RPS6KC1: variants seen among roughly 807,000 people sequenced by gnomAD.
RPS6KC1 encodes inactive ribosomal protein S6 kinase delta-1.
In RPS6KC1, 54 loss-of-function variants were observed where a neutral mutation model predicts 103.8. That is an observed-to-expected ratio of 0.52 (90% CI 0.42 to 0.65). RPS6KC1 has a LOEUF of 0.65. Ranked by LOEUF, RPS6KC1 falls within the 30% of genes least tolerant of loss-of-function variation. RPS6KC1 has a pLI of 0.00. For missense variants in RPS6KC1, 1,151 were observed against 1,253.8 expected (o/e 0.92, Z 1.24); for synonymous variants, 439 against 438.7 (o/e 1.00, Z -0.01).
At chr1:213,508,622 C>T in the RPS6KC1 span, among the ~76,000 whole-genome samples, 2 of 151,952 alleles carry the variant, frequency 1.3e-5, no homozygotes, top group Non-Finnish European at 2.9e-5. Flanking sequence ...GGCTATGCTC[C>T]CAATAAGTTT....
chr1:213,682,129 G>A, the RPS6KC1 span, among the ~76,000 whole-genome samples: 2 of 152,192 alleles, frequency 1.3e-5, no homozygotes, highest in Admixed American at 6.5e-5. Flanking sequence ...AAAGTGGAAC[G>A]CCTCAGTGAA....
chr1:213,303,489 C>G, the RPS6KC1 span, among the ~76,000 whole-genome samples: 1 of 152,062 alleles, frequency 6.6e-6, no homozygotes, highest in South Asian at 2.1e-4. Context: ...GACTCCAGGG[C>G]TTTCTCTGCT....
At chr1:213,602,042 T>TTC in the RPS6KC1 span, among the ~76,000 whole-genome samples, 52 of 65,306 alleles carry the variant, frequency 8.0e-4, 3 homozygotes, top group African/African-American at 1.2e-3. Flanking sequence ...TTCTCTTTCT[T>TTC]TCTTTCTTTC....
At chr1:213,223,424 C>T (rs1197799420) in intron 8 of RPS6KC1, among the ~76,000 whole-genome samples, 1 of 152,190 alleles carries the variant, frequency 6.6e-6, no homozygotes, top group African/African-American at 2.4e-5. Flanking sequence ...TTTGCATCCT[C>T]ATAGCTTAGC....
At chr1:213,288,049 A>T in the RPS6KC1 span, among the ~76,000 whole-genome samples, 5 of 152,216 alleles carry the variant, frequency 3.3e-5, no homozygotes. Context: ...CTTTGAAGCC[A>T]GGAGGTTGTG....
chr1:213,845,538 G>C, the RPS6KC1 span, among the ~76,000 whole-genome samples: 1 of 152,160 alleles, frequency 6.6e-6, no homozygotes, highest in Non-Finnish European at 1.5e-5. Flanking sequence ...AAAATCTATA[G>C]ATACCAATGG....
intron 1 of RPS6KC1, 117 bp from the exon 2 acceptor site, chr1:213,070,889 T>C: frequency 1.6e-6 from 1 of 638,418 alleles, no homozygotes; most frequent in Non-Finnish European, 2.7e-6. Context: ...TGATATAGTG[T>C]TTATTTTTTT....
At chr1:213,631,149 T>G in the RPS6KC1 span, among the ~76,000 whole-genome samples, 4,560 of 152,258 alleles carry the variant, frequency 0.03, 103 homozygotes, top group Non-Finnish European at 0.043. Context: ...CCCTGACCTC[T>G]TGCACTTCCC....
the RPS6KC1 span, among the ~76,000 whole-genome samples, chr1:213,813,143 T>G: frequency 6.6e-6 from 1 of 151,760 alleles, no homozygotes; most frequent in Non-Finnish European, 1.5e-5. Flanking sequence ...CCCAGCTACT[T>G]GGGAGGCTGA....
the RPS6KC1 span, among the ~76,000 whole-genome samples, chr1:213,482,431 T>C: frequency 0.05 from 7,551 of 152,086 alleles, 608 homozygotes; most frequent in African/African-American, 0.17. Flanking sequence ...ATTCTGTATT[T>C]GGAGTAAAAA....
At chr1:213,745,974 A>G in the RPS6KC1 span, among the ~76,000 whole-genome samples, 1 of 152,082 alleles carries the variant, frequency 6.6e-6, no homozygotes, top group Non-Finnish European at 1.5e-5. Flanking sequence ...TCTATCTACT[A>G]TATCTGATTC....
At chr1:213,835,608 A>G in the RPS6KC1 span, among the ~76,000 whole-genome samples, 1 of 152,238 alleles carries the variant, frequency 6.6e-6, no homozygotes, top group Non-Finnish European at 1.5e-5. Context: ...GAGGAATAGC[A>G]TGAACAGGAT....
chr1:213,537,728 C>G, the RPS6KC1 span, among the ~76,000 whole-genome samples: 1 of 152,250 alleles, frequency 6.6e-6, no homozygotes, highest in South Asian at 2.1e-4. Flanking sequence ...AGTTTGTGGG[C>G]AAACTGGCTG....
the RPS6KC1 span, among the ~76,000 whole-genome samples, chr1:213,381,857 G>A: frequency 2.6e-5 from 4 of 152,178 alleles, no homozygotes; most frequent in African/African-American, 9.6e-5. Flanking sequence ...CCTCGCGCCT[G>A]CAGGAGGGGA....
At chr1:213,091,142 C>T (rs2148658010) in intron 3 of RPS6KC1, among the ~76,000 whole-genome samples, 1 of 152,092 alleles carries the variant, frequency 6.6e-6, no homozygotes, top group Admixed American at 6.5e-5. Flanking sequence ...ACTGCAAGCT[C>T]TGCCTCCTGG....
chr1:213,371,273 G>T, the RPS6KC1 span, among the ~76,000 whole-genome samples: 1 of 152,176 alleles, frequency 6.6e-6, no homozygotes, highest in South Asian at 2.1e-4. Context: ...GTTGTTGCAT[G>T]TCAAAATTTC....
the RPS6KC1 span, among the ~76,000 whole-genome samples, chr1:213,389,902 G>T: frequency 1.3e-5 from 2 of 152,016 alleles, no homozygotes; most frequent in Non-Finnish European, 2.9e-5. Context: ...ATGCTTCTTC[G>T]CTAAATGTAA....
At chr1:213,692,317 C>T in the RPS6KC1 span, among the ~76,000 whole-genome samples, 2 of 150,908 alleles carry the variant, frequency 1.3e-5, no homozygotes, top group Non-Finnish European at 2.9e-5. Context: ...ATCCCTTGAA[C>T]ACAGGAGGTG....
the RPS6KC1 span, among the ~76,000 whole-genome samples, chr1:213,502,264 G>A: frequency 2.5e-3 from 388 of 152,266 alleles, 2 homozygotes; most frequent in African/African-American, 8.9e-3. Flanking sequence ...GACAGATTGA[G>A]AATGGCTTTT....
Sources: gnomAD v4.1 joint callset for allele counts (sites outside exome capture counted in the v4.1 genomes callset) on GRCh38, gnomAD v4.1.1 for gene constraint, MANE v1.5 for transcripts, NCBI Gene and HGNC (gene_info 2026-07-23, HGNC 2026-07-21) for gene names.